The following ACAA2 variants were observed in gnomAD, a reference collection of about 807,000 sequenced individuals.
The protein encoded by ACAA2 is 3-ketoacyl-CoA thiolase, mitochondrial.
A neutral mutation model predicts 44.8 loss-of-function variants in ACAA2; 35 were observed. That is an observed-to-expected ratio of 0.78 (90% CI 0.60 to 1.04). The LOEUF is 1.04. Among genes scored for constraint, ACAA2 ranks in the 50% least tolerant of loss-of-function variants. The pLI is 0.00. For synonymous variants in ACAA2, 142 were observed against 166.5 expected, an observed-to-expected ratio of 0.85 and a Z score of 1.13; for missense variants, 468 against 482.6, an observed-to-expected ratio of 0.97 and a Z score of 0.28.
chr18:49,787,234 A>G (rs1479723424), intron 8 of ACAA2, 57 bp downstream of exon 8: 6 of 1,326,044 alleles, frequency 4.5e-6, no homozygotes, highest in African/African-American at 1.6e-5. Context: ...TTTATGCTAT[A>G]AAAGTACATG....
chr18:49,786,860 T>C (rs2023335864), intron 8 of ACAA2, among the ~76,000 whole-genome samples: 1 of 152,148 alleles, frequency 6.6e-6, no homozygotes, highest in Admixed American at 6.5e-5. Context: ...AAGCCAAAGA[T>C]ACATTTAAGG....
intron 1 of ACAA2, among the ~76,000 whole-genome samples, chr18:49,804,447 T>C (rs1469421847): frequency 6.6e-6 from 1 of 152,182 alleles, no homozygotes; most frequent in Non-Finnish European, 1.5e-5. Context: ...CTTCTACATG[T>C]GTATCCCCCA....
chr18:49,791,680 T>C, intron 6 of ACAA2, 81 bp from the exon 7 acceptor site: 1 of 1,444,224 alleles, frequency 6.9e-7, no homozygotes, highest in Admixed American at 1.8e-5. Context: ...CTAGTAGTAT[T>C]AGGAATATGG....
At chr18:49,799,926 G>T (rs1178095267) in intron 2 of ACAA2, among the ~76,000 whole-genome samples, 5 of 149,258 alleles carry the variant, frequency 3.3e-5, no homozygotes, top group Admixed American at 6.6e-5. Context: ...GAGAAGTGAG[G>T]AGACCCTCTG....
intron 3 of ACAA2, among the ~76,000 whole-genome samples, chr18:49,796,310 G>A (rs2023464198): frequency 1.3e-5 from 2 of 152,094 alleles, no homozygotes; most frequent in African/African-American, 2.4e-5. Context: ...GTTCAATCTA[G>A]GTGACTCATA....
intron 3 of ACAA2, among the ~76,000 whole-genome samples, 200 bp downstream of exon 3, chr18:49,797,264 GCT>G (rs2023475234): frequency 9.0e-6 from 1 of 111,408 alleles, no homozygotes; most frequent in Non-Finnish European, 2.0e-5. Context: ...TTCATTATTA[GCT>G]TTTTTTTTTT....
intron 4 of ACAA2, among the ~76,000 whole-genome samples, chr18:49,795,267 CAAAGAT>C (rs1403922137): frequency 1.3e-5 from 2 of 152,088 alleles, no homozygotes; most frequent in Admixed American, 1.3e-4. Flanking sequence ...TTGTAGCTCT[CAAAGAT>C]AAAAGAATCA....
intron 8 of ACAA2, 128 bp from the exon 9 acceptor site, chr18:49,785,479 TTTTATCTACAATCATTCTGCA>T (rs1182748358): frequency 3.9e-5 from 33 of 846,362 alleles, no homozygotes; most frequent in Non-Finnish European, 5.6e-5. Context: ...CGCAAAGTTA[TTTTATCTACAATCATTCTGCA>T]TAAAGCTATC....
chr18:49,783,604 AT>A lies in ACAA2; in HGVS notation c.*242del, dbSNP rs1416902622. 2.4e-6 allele frequency: 1 copy of A among 417,186 alleles called. No homozygotes were observed. Among genetic ancestry groups the A allele is most frequent in the African/African-American group, 2.0e-5 (1 of 50,814 alleles). The allele number at this position is 417,186 out of a possible 1,614,324, so 25.8% of individuals were successfully genotyped here. A position where few individuals can be genotyped will look rare whatever the true frequency, so the allele number is the denominator to read the frequency against. On this transcript the variant is annotated 3_prime_UTR_variant, in exon 10 of 10. Coordinates refer to ENST00000285093, the MANE Select transcript of ACAA2 (RefSeq NM_006111.3). The stretch of plus-strand genomic sequence containing the variant: ...AATACGATTTCTTTTAATGTCTTCT[AT>A]AGTTGAGTTTTAGCTCAGAAATACA...
chr18:49,808,981 A>G (rs2023639034), intron 1 of ACAA2, among the ~76,000 whole-genome samples: 1 of 152,108 alleles, frequency 6.6e-6, no homozygotes, highest in East Asian at 1.9e-4. Context: ...CCTTATCTCA[A>G]CCGCATAAGA....
Position 49,795,892 on chromosome 18 carries a change from A to C in ACAA2, c.313-11T>G. The stretch of plus-strand genomic sequence containing the variant: ...TTTAACACAAATTTCCTATTTAAAA[A>C]CAAACAGTAATAAAAACTCCTTTTA... On this transcript the variant is annotated splice_polypyrimidine_tract_variant and intron_variant, in intron 3 of 9. Transcript: ENST00000285093. 6.4e-7 allele frequency: 1 copy of C among 1,563,000 alleles called. No homozygotes were observed. Among genetic ancestry groups the C allele is most frequent in the African/African-American group, 1.4e-5 (1 of 73,556 alleles).
rs1365808479 is a variant in ACAA2, at chr18:49,808,567, G to T, written c.16+4902C>A. On this transcript the variant is annotated intron_variant, in intron 1 of 9. Coordinates refer to ENST00000285093, the MANE Select transcript of ACAA2 (RefSeq NM_006111.3). ...GAATTTTACAGCTGGGCCGCCGGGGGTGACATCACATATCGGTAGGTCCAG... is the reference window on the plus strand; with the variant it reads ...GAATTTTACAGCTGGGCCGCCGGGGTTGACATCACATATCGGTAGGTCCAG... Among the ~76,000 whole-genome samples, 10 of 152,276 alleles carry T rather than the reference G, an allele frequency of 6.6e-5. No individual in the cohort carries two copies. In the East Asian group the frequency reaches 1.7e-3, roughly 26 times the overall value.
chr18:49,801,705 A>T (rs1418282285), intron 2 of ACAA2, among the ~76,000 whole-genome samples: 3 of 150,226 alleles, frequency 2.0e-5, no homozygotes, highest in Non-Finnish European at 4.4e-5. Context: ...TGATCACATC[A>T]TTGACATCTT....
chr18:49,784,962 G>A (rs999965564), intron 9 of ACAA2, among the ~76,000 whole-genome samples: 11 of 152,188 alleles, frequency 7.2e-5, no homozygotes, highest in Non-Finnish European at 1.5e-4. Flanking sequence ...ACAGTGCACA[G>A]AGACTGGACA....
intron 7 of ACAA2, among the ~76,000 whole-genome samples, chr18:49,789,688 C>G (rs770777326): frequency 7.9e-5 from 12 of 152,072 alleles, no homozygotes; most frequent in Admixed American, 4.6e-4. Flanking sequence ...GGAAAAAAAC[C>G]AACTCTGCTC....
At chr18:49,807,720 C>G (rs192787235) in intron 1 of ACAA2, among the ~76,000 whole-genome samples, 181 of 151,734 alleles carry the variant, frequency 1.2e-3, no homozygotes, top group Middle Eastern at 3.5e-3. Context: ...TGGTCCTAGC[C>G]ACTTGGGAGG....
Position 49,797,562 on chromosome 18 carries a change from A to T in ACAA2, c.216T>A (p.His72Gln). 6.2e-7 allele frequency: 1 copy of T among 1,611,956 alleles called. No homozygotes were observed. The highest frequency in any genetic ancestry group is 1.1e-5 in the South Asian group (1 of 90,922). The change falls in exon 3 of 10, where the codon CAT (histidine) becomes CAA (glutamine). Residue 72 changes from histidine (H) to glutamine (Q), a missense_variant. By Grantham distance (24) the His-to-Gln change is conservative. Coordinates refer to ENST00000285093, the MANE Select transcript of ACAA2 (RefSeq NM_006111.3). ...TTGGGATTCCCACACGCAAACCAAC[A>T]TGCCTTGCCAAATATATAGCATCTG... ...SSSDAIYLARHVGLRVGIPKE... is the reference protein window; with the variant it reads ...SSSDAIYLARQVGLRVGIPKE...
intron 1 of ACAA2, among the ~76,000 whole-genome samples, chr18:49,804,012 G>C (rs1300084024): frequency 1.3e-5 from 2 of 151,078 alleles, no homozygotes; most frequent in Non-Finnish European, 2.9e-5. Context: ...CCGGGTTCAA[G>C]TGATTCTCCT....
At chr18:49,790,045 A>T (rs2023380218) in intron 7 of ACAA2, among the ~76,000 whole-genome samples, 1 of 152,216 alleles carries the variant, frequency 6.6e-6, no homozygotes, top group Admixed American at 6.5e-5. Context: ...GTGGATTCTG[A>T]CAATCATCTG....
Sources: gnomAD v4.1 joint callset for allele counts (sites outside exome capture counted in the v4.1 genomes callset) on GRCh38, gnomAD v4.1.1 for gene constraint, MANE v1.5 for transcripts, NCBI Gene and HGNC (gene_info 2026-07-23, HGNC 2026-07-21) for gene names.